The following OXR1 variants were observed in gnomAD, a reference collection of about 807,000 sequenced individuals.
OXR1 encodes the protein oxidation resistance 1.
A neutral mutation model predicts 104.6 loss-of-function variants in OXR1; 41 were observed. That is an observed-to-expected ratio of 0.39 (90% CI 0.31 to 0.51). OXR1 has a LOEUF of 0.51. Among genes scored for constraint, OXR1 ranks in the 20% least tolerant of loss-of-function variants. The probability of loss-of-function intolerance (pLI) is 0.77; values close to 1 mark genes in which losing one functional copy is unlikely to be tolerated. For synonymous variants in OXR1, 348 were observed against 348.4 expected (o/e 1.00, Z 0.01); for missense variants, 955 against 1,031.9 (o/e 0.93, Z 1.02).
At chr8:106,363,454 T>G (rs571606297) in intron 2 of OXR1, among the ~76,000 whole-genome samples, 28 of 152,168 alleles carry the variant, frequency 1.8e-4, no homozygotes, top group African/African-American at 6.7e-4. Flanking sequence ...GGTCAAACAC[T>G]ACAGAAAAAT....
intron 2 of OXR1, among the ~76,000 whole-genome samples, chr8:106,443,723 T>C (rs1819889729): frequency 6.6e-6 from 1 of 152,180 alleles, no homozygotes; most frequent in African/African-American, 2.4e-5. Context: ...GAGACTAGGA[T>C]TGCAACCCCT....
intron 7 of OXR1, chr8:106,697,362 A>T (rs1830145937): frequency 8.7e-7 from 1 of 1,147,186 alleles, no homozygotes; most frequent in Admixed American, 2.2e-5. Context: ...TCACTGCTAA[A>T]ATATATATCT....
At chr8:106,744,162 G>A (rs1278235003) in intron 15 of OXR1, among the ~76,000 whole-genome samples, 1 of 152,156 alleles carries the variant, frequency 6.6e-6, no homozygotes. Context: ...ACGTTTACCT[G>A]TGTAACAAAC....
chr8:106,323,984 A>G (rs1309129566), intron 1 of OXR1, among the ~76,000 whole-genome samples: 1 of 152,214 alleles, frequency 6.6e-6, no homozygotes, highest in Non-Finnish European at 1.5e-5. Context: ...CAGAACTACC[A>G]TTCAACCCAG....
At chr8:106,411,704 A>AT (rs1818464279) in intron 2 of OXR1, among the ~76,000 whole-genome samples, 1 of 152,120 alleles carries the variant, frequency 6.6e-6, no homozygotes, top group Admixed American at 6.6e-5. Flanking sequence ...TCTGTGCAAG[A>AT]TTTTGACTCT....
At chr8:106,689,560 A>C (rs546335705) in intron 6 of OXR1, among the ~76,000 whole-genome samples, 2 of 152,058 alleles carry the variant, frequency 1.3e-5, no homozygotes, top group Non-Finnish European at 2.9e-5. Context: ...AGCTTTATTT[A>C]TATTCTAGAA....
intron 3 of OXR1, among the ~76,000 whole-genome samples, chr8:106,563,287 A>T (rs7841385): frequency 0.42 from 61,512 of 144,778 alleles, 13,322 homozygotes; most frequent in Admixed American, 0.46. Flanking sequence ...TTACCAAGCA[A>T]ATGGAAAGCA....
Position 106,696,697 on chromosome 8 carries a change from T to A in OXR1, c.675+3820T>A, listed in dbSNP as rs1830065747. Among the ~76,000 whole-genome samples the A allele has an allele frequency of 3.3e-5, 5 of 152,292 alleles. No homozygotes were observed. The South Asian group carries it at 1.0e-3, about 32-fold the overall frequency. On this transcript the variant is annotated intron_variant, in intron 7 of 16. Transcript: ENST00000517566. ...ATATCTCACTGTGTTAATTAGAAATTCTCTAATGGCATATTATATTAAGCG... is the reference window on the plus strand; with the variant it reads ...ATATCTCACTGTGTTAATTAGAAATACTCTAATGGCATATTATATTAAGCG...
At chr8:106,506,633 G>A (rs1265213580) in intron 2 of OXR1, among the ~76,000 whole-genome samples, 4 of 151,940 alleles carry the variant, frequency 2.6e-5, no homozygotes, top group Non-Finnish European at 5.9e-5. Flanking sequence ...AGAGTCTTCA[G>A]GATATAAATG....
chr8:106,685,700 A>T (rs182949868), intron 6 of OXR1, among the ~76,000 whole-genome samples: 72 of 152,150 alleles, frequency 4.7e-4, no homozygotes, highest in Admixed American at 1.4e-3. Context: ...ATAGATTAAA[A>T]AAAAAAAAAA....
chr8:106,697,890 A>G, intron 7 of OXR1: 2 of 1,612,288 alleles, frequency 1.2e-6, no homozygotes, highest in Non-Finnish European at 1.7e-6. Flanking sequence ...ACCGGCCCAC[A>G]TCCTTTCGGC....
intron 2 of OXR1, among the ~76,000 whole-genome samples, chr8:106,425,420 C>G (rs1416549578): frequency 1.3e-5 from 2 of 152,016 alleles, no homozygotes; most frequent in Admixed American, 6.6e-5. Context: ...TTATTTCATA[C>G]AGTCTTATAG....
chr8:106,604,697 A>T (rs915307285), intron 3 of OXR1: 2 of 152,196 alleles, frequency 1.3e-5, no homozygotes, highest in Non-Finnish European at 2.9e-5. Context: ...TGCTTAACAA[A>T]TGGTTGTACA....
chr8:106,658,641 A>C (rs1563676010), intron 3 of OXR1, among the ~76,000 whole-genome samples: 1 of 152,244 alleles, frequency 6.6e-6, no homozygotes, highest in African/African-American at 2.4e-5. Context: ...CTAACCGAAA[A>C]ATAAAAAGCC....
intron 2 of OXR1, among the ~76,000 whole-genome samples, chr8:106,469,050 T>C (rs1415727005): frequency 2.0e-5 from 3 of 151,716 alleles, no homozygotes; most frequent in African/African-American, 7.2e-5. Flanking sequence ...GTGTGTGTAG[T>C]ATATGTATAG....
chr8:106,463,058 C>T (rs144473959), intron 2 of OXR1, among the ~76,000 whole-genome samples: 2 of 151,948 alleles, frequency 1.3e-5, no homozygotes, highest in African/African-American at 4.8e-5. Flanking sequence ...AATGGTTGAC[C>T]CATAAGTCAC....
At chr8:106,749,844 T>C (rs1250544218) in intron 16 of OXR1, among the ~76,000 whole-genome samples, 1 of 152,136 alleles carries the variant, frequency 6.6e-6, no homozygotes, top group East Asian at 1.9e-4. Flanking sequence ...TAACCTGGTG[T>C]TTTCCCCTCT....
chr8:106,620,898 A>G (rs746199076), intron 3 of OXR1, among the ~76,000 whole-genome samples: 2 of 152,204 alleles, frequency 1.3e-5, no homozygotes, highest in East Asian at 1.9e-4. Flanking sequence ...ATTATAAACC[A>G]TAAGGATCAA....
chr8:106,432,644 G>T (rs1819407499), intron 2 of OXR1, among the ~76,000 whole-genome samples: 1 of 150,234 alleles, frequency 6.7e-6, no homozygotes, highest in Admixed American at 6.6e-5. Flanking sequence ...CCATACCAAG[G>T]TTTTTTTTTT....
Sources: gnomAD v4.1 joint callset for allele counts (sites outside exome capture counted in the v4.1 genomes callset) on GRCh38, gnomAD v4.1.1 for gene constraint, MANE v1.5 for transcripts, NCBI Gene and HGNC (gene_info 2026-07-23, HGNC 2026-07-21) for gene names.